Variants in ZFPM2 observed in about 807,000 individuals in gnomAD.
The protein encoded by ZFPM2 is zinc finger protein ZFPM2.
ZFPM2 carries 20 observed loss-of-function variants against 98.6 expected under a neutral mutation model. The ratio of observed to expected loss-of-function variants is 0.20; its 90% CI spans 0.14 to 0.29. The LOEUF (loss-of-function observed/expected upper bound fraction) is 0.29. Among genes scored for constraint, ZFPM2 ranks in the 10% least tolerant of loss-of-function variants. The pLI is 1.00. For missense variants in ZFPM2, 1,310 were observed against 1,388.6 expected (o/e 0.94, Z 0.90); for synonymous variants, 518 against 502.7 (o/e 1.03, Z -0.41).
intron 3 of ZFPM2, among the ~76,000 whole-genome samples, chr8:105,458,781 T>G (rs1363599827): frequency 6.6e-6 from 1 of 151,942 alleles, no homozygotes; most frequent in African/African-American, 2.4e-5. Context: ...ATCTTCAGAG[T>G]CTTTGCTCTT....
intron 4 of ZFPM2, among the ~76,000 whole-genome samples, chr8:105,569,390 A>G (rs1815308936): frequency 1.3e-5 from 2 of 152,042 alleles, no homozygotes; most frequent in African/African-American, 2.4e-5. Flanking sequence ...CTTTACATCC[A>G]TGTCTGTTTC....
intron 3 of ZFPM2, among the ~76,000 whole-genome samples, chr8:105,465,443 A>G (rs1206759433): frequency 6.6e-6 from 1 of 151,954 alleles, no homozygotes; most frequent in East Asian, 1.9e-4. Context: ...TACAGTTTAT[A>G]CAAGCATCTT....
At position 105,335,898 on chromosome 8, in the gene ZFPM2, C is replaced by A. The variant is rs1488078098; in HGVS notation, c.40+16917C>A. Among the ~76,000 whole-genome samples, 10 of 151,848 alleles carry A rather than the reference C, an allele frequency of 6.6e-5. No individual in the cohort carries two copies. The East Asian group carries it at 1.9e-3, about 29-fold the overall frequency. ...AATGGTGCTGCCCCTCCCTAACCAC[C>A]CTGTGGAAATGTATTAGCCCAGAGG... On this transcript the variant is annotated intron_variant, in intron 1 of 7. Coordinates refer to ENST00000407775, the MANE Select transcript of ZFPM2 (RefSeq NM_012082.4).
intron 3 of ZFPM2, among the ~76,000 whole-genome samples, chr8:105,458,462 T>C (rs534394563): frequency 3.5e-4 from 53 of 152,302 alleles, no homozygotes; most frequent in African/African-American, 1.2e-3. Context: ...ACCTTTTCCA[T>C]ATTAATCAAT....
Position 105,801,101 on chromosome 8 carries a change from G to T in ZFPM2, c.1019G>T (p.Cys340Phe). 6.2e-7 allele frequency: 1 copy of T among 1,613,930 alleles called. No individual in the cohort carries two copies. Among genetic ancestry groups the T allele is most frequent in the Non-Finnish European group, 8.5e-7 (1 of 1,179,870 alleles). ...GGTGCTAGTCTAAAATGCACCGTCTGTAGCTACACTGCTGATTCCGTGATC... is the reference window on the plus strand; with the variant it reads ...GGTGCTAGTCTAAAATGCACCGTCTTTAGCTACACTGCTGATTCCGTGATC... ...PPGASLKCTV[C>F]SYTADSVINF... The change falls in exon 8 of 8, where the codon TGT (cysteine) becomes TTT (phenylalanine). Residue 340 changes from cysteine to phenylalanine, a missense_variant. Transcript: ENST00000407775.
At chr8:105,729,674 A>ATAT (rs1166560083) in intron 5 of ZFPM2, among the ~76,000 whole-genome samples, 8 of 151,724 alleles carry the variant, frequency 5.3e-5, no homozygotes, top group African/African-American at 1.9e-4. Flanking sequence ...TATTGGCCTT[A>ATAT]TATAACTGAC....
At chr8:105,470,474 G>A (rs1812880988) in intron 3 of ZFPM2, among the ~76,000 whole-genome samples, 1 of 152,174 alleles carries the variant, frequency 6.6e-6, no homozygotes, top group South Asian at 2.1e-4. Context: ...GTGGTAGCTT[G>A]TGTCTCTGTG....
intron 1 of ZFPM2, among the ~76,000 whole-genome samples, chr8:105,393,337 C>CTTTCTTTCTTTCTTTCTTTCTTT (rs1554600680): frequency 2.5e-4 from 29 of 114,846 alleles, no homozygotes; most frequent in East Asian, 1.6e-3. Context: ...TCTCTCTTTG[C>CTTTCTTTCTTTCTTTCTTTCTTT]CTTTCTTTCT....
At chr8:105,477,087 A>T (rs1037347444) in intron 3 of ZFPM2, among the ~76,000 whole-genome samples, 16 of 152,194 alleles carry the variant, frequency 1.1e-4, no homozygotes, top group African/African-American at 3.4e-4. Flanking sequence ...TTAGTAACAT[A>T]GTATTAAGAT....
In ZFPM2 at chr8:105,444,807, A is replaced by G. The variant is rs1812334747; in HGVS notation, c.301+426A>G. 3.3e-5 allele frequency among the ~76,000 whole-genome samples: 5 copies of G among 152,300 alleles called. 1 individual carries two copies. The South Asian group carries it at 1.0e-3, about 32-fold the overall frequency. On this transcript the variant is annotated intron_variant, in intron 3 of 7. Coordinates refer to ENST00000407775, the MANE Select transcript of ZFPM2 (RefSeq NM_012082.4). ...CATATTTAGAAGTTTAGAAAATATCAAAAGATGCCCCCTTTTGATTTAAGG... is the reference window on the plus strand; with the variant it reads ...CATATTTAGAAGTTTAGAAAATATCGAAAGATGCCCCCTTTTGATTTAAGG...
chr8:105,556,481 G>A (rs1347964483), intron 3 of ZFPM2, among the ~76,000 whole-genome samples: 1 of 152,084 alleles, frequency 6.6e-6, no homozygotes, highest in African/African-American at 2.4e-5. Context: ...TTCCCACTTT[G>A]CATGCAGAAA....
At chr8:105,356,065 C>T (rs1812741088) in intron 1 of ZFPM2, among the ~76,000 whole-genome samples, 2 of 152,200 alleles carry the variant, frequency 1.3e-5, no homozygotes, top group Non-Finnish European at 2.9e-5. Context: ...AATTATAACT[C>T]CTTACATGGA....
chr8:105,683,124 G>C (rs1160775673), intron 5 of ZFPM2, among the ~76,000 whole-genome samples: 1 of 151,996 alleles, frequency 6.6e-6, no homozygotes, highest in African/African-American at 2.4e-5. Flanking sequence ...GTCCTCATGA[G>C]TTAATCCCTT....
chr8:105,485,846 A>G (rs1273756280), intron 3 of ZFPM2, among the ~76,000 whole-genome samples: 1 of 152,226 alleles, frequency 6.6e-6, no homozygotes, highest in Non-Finnish European at 1.5e-5. Flanking sequence ...GGGACTGTCA[A>G]AATGACAGGA....
intron 4 of ZFPM2, among the ~76,000 whole-genome samples, chr8:105,608,087 A>C (rs1385432806): frequency 6.6e-6 from 1 of 152,150 alleles, no homozygotes; most frequent in African/African-American, 2.4e-5. Flanking sequence ...CAGGAAAAGA[A>C]AACCAAATAC....
chr8:105,756,737 T>C (rs1450540096), intron 5 of ZFPM2, among the ~76,000 whole-genome samples: 2 of 139,960 alleles, frequency 1.4e-5, no homozygotes, highest in Non-Finnish European at 3.1e-5. Context: ...ACCACTCAAA[T>C]GCAGTTTTTA....
At chr8:105,569,455 G>A (rs758363311) in intron 4 of ZFPM2, among the ~76,000 whole-genome samples, 1 of 152,286 alleles carries the variant, frequency 6.6e-6, no homozygotes. Context: ...CACAGGAAAT[G>A]CTATCTTGTA....
chr8:105,662,765 C>G (rs1360818050), intron 5 of ZFPM2: 2 of 151,620 alleles, frequency 1.3e-5, no homozygotes, highest in Non-Finnish European at 2.9e-5. Context: ...TTTAAAGCAT[C>G]CACTTACAAA....
chr8:105,388,299 AAGAG>A (rs1267032496), intron 1 of ZFPM2, among the ~76,000 whole-genome samples: 1 of 152,196 alleles, frequency 6.6e-6, no homozygotes, highest in African/African-American at 2.4e-5. Context: ...TAAAAAAGGA[AAGAG>A]AAGAAGAAAT....
Sources: allele counts gnomAD v4.1 joint callset (sites outside exome capture counted in the v4.1 genomes callset), GRCh38; gene constraint gnomAD v4.1.1; transcripts MANE v1.5; gene names NCBI Gene and HGNC (gene_info 2026-07-23, HGNC 2026-07-21).